Variants in DENND1B observed in about 807,000 individuals in gnomAD.
DENND1B encodes DENN domain-containing protein 1B.
DENND1B carries 59 observed loss-of-function variants against 90.1 expected under a neutral mutation model. That is an observed-to-expected ratio of 0.65 (90% CI 0.53 to 0.81). The LOEUF (loss-of-function observed/expected upper bound fraction) is 0.81, where lower values mean the gene tolerates loss of function less well. Ranked by LOEUF, DENND1B falls within the 40% of genes least tolerant of loss-of-function variation. The probability of loss-of-function intolerance (pLI) is 0.00; values close to 1 mark genes in which losing one functional copy is unlikely to be tolerated. For missense variants in DENND1B, 862 were observed against 912.6 expected (o/e 0.94, Z 0.71); for synonymous variants, 337 against 324.6 (o/e 1.04, Z -0.41).
chr1:197,668,099 A>G (rs1655124289), intron 5 of DENND1B, among the ~76,000 whole-genome samples: 2 of 152,198 alleles, frequency 1.3e-5, no homozygotes, highest in African/African-American at 4.8e-5. Context: ...ACATACACAT[A>G]TAACTTGTTC....
chr1:197,748,326 G>T (rs779278994), intron 2 of DENND1B, among the ~76,000 whole-genome samples: 1 of 152,110 alleles, frequency 6.6e-6, no homozygotes, highest in Non-Finnish European at 1.5e-5. Flanking sequence ...AAATGAAACA[G>T]ATATTAGAAT....
intron 15 of DENND1B, among the ~76,000 whole-genome samples, chr1:197,568,040 C>T (rs568752152): frequency 7.1e-6 from 1 of 140,988 alleles, no homozygotes; most frequent in Non-Finnish European, 1.5e-5. Context: ...GGAGGGAAGG[C>T]AGGCAGGGAG....
At chr1:197,622,929 C>T (rs572980467) in intron 10 of DENND1B, among the ~76,000 whole-genome samples, 17 of 151,022 alleles carry the variant, frequency 1.1e-4, no homozygotes, top group African/African-American at 3.9e-4. Context: ...ATCAGATTCC[C>T]ATGGACACAG....
rs201211667 is a variant in DENND1B at position 197,715,031 on chromosome 1, C to T, written c.126G>A (p.Gln42=). Residue 42 remains glutamine (Q), a splice_region_variant and synonymous_variant, in exon 3 of 23, where the codon CAG becomes CAA. Coordinates refer to ENST00000620048, the MANE Select transcript of DENND1B (RefSeq NM_001195215.2). ...LWKFPEDFGD[Q]EILQSVPKFC... Reference sequence around the variant, plus strand: ...TTTTAAAAAATTATGTGGTACCAACCTGGTCTCCAAAGTCCTCTGGGAATT... The same window carrying T: ...TTTTAAAAAATTATGTGGTACCAACTTGGTCTCCAAAGTCCTCTGGGAATT... 73 of 1,609,920 alleles carry T rather than the reference C, an allele frequency of 4.5e-5. No homozygotes were observed. The highest frequency in any genetic ancestry group is 5.8e-5 in the Non-Finnish European group (68 of 1,177,322).
At chr1:197,544,898 GAAGA>G (rs1288541579) in intron 18 of DENND1B, among the ~76,000 whole-genome samples, 1 of 146,712 alleles carries the variant, frequency 6.8e-6, no homozygotes, top group Non-Finnish European at 1.5e-5. Context: ...GGAAGAAGAA[GAAGA>G]AAGAAGAAGA....
At chr1:197,566,300 G>T (rs532741734) in intron 15 of DENND1B, among the ~76,000 whole-genome samples, 1 of 152,210 alleles carries the variant, frequency 6.6e-6, no homozygotes, top group East Asian at 1.9e-4. Flanking sequence ...TTTGAGAAGT[G>T]TCTGTTCATG....
chr1:197,616,210 A>C (rs1677633176), intron 11 of DENND1B, among the ~76,000 whole-genome samples: 1 of 150,946 alleles, frequency 6.6e-6, no homozygotes, highest in Non-Finnish European at 1.5e-5. Flanking sequence ...ATTTCCAAAT[A>C]CTGCTGTAAA....
chr1:197,536,100 G>A (rs1669859374), intron 20 of DENND1B, among the ~76,000 whole-genome samples: 1 of 149,276 alleles, frequency 6.7e-6, no homozygotes, highest in East Asian at 2.0e-4. Flanking sequence ...GGAAAAGAGG[G>A]AGAGAGACGG....
intron 20 of DENND1B, among the ~76,000 whole-genome samples, chr1:197,517,760 G>T (rs762355198): frequency 1.8e-4 from 28 of 151,848 alleles, no homozygotes; most frequent in Non-Finnish European, 3.4e-4. Context: ...GGCTATGGCA[G>T]CCTCTCTGGA....
chr1:197,587,247 C>A (rs141929970), intron 14 of DENND1B, among the ~76,000 whole-genome samples: 1 of 152,200 alleles, frequency 6.6e-6, no homozygotes, highest in African/African-American at 2.4e-5. Flanking sequence ...TTGTATTATT[C>A]ATTCACAGAA....
chr1:197,695,098 G>A (rs2102115380), intron 3 of DENND1B, among the ~76,000 whole-genome samples: 4 of 151,144 alleles, frequency 2.6e-5, no homozygotes, highest in Admixed American at 2.6e-4. Flanking sequence ...AAGCATGCAG[G>A]TAAAATAAGA....
intron 13 of DENND1B, among the ~76,000 whole-genome samples, chr1:197,600,719 A>G (rs539587316): frequency 1.8e-3 from 266 of 151,904 alleles, no homozygotes; most frequent in Non-Finnish European, 2.8e-3. Flanking sequence ...AGGATAATAA[A>G]CAAACAGTAT....
intron 2 of DENND1B, among the ~76,000 whole-genome samples, chr1:197,726,654 A>C (rs981523978): frequency 5.9e-5 from 9 of 152,208 alleles, no homozygotes; most frequent in Non-Finnish European, 1.0e-4. Flanking sequence ...TGAGGTAGAC[A>C]AGCAATTCCT....
chr1:197,524,242 T>A (rs193024304), intron 20 of DENND1B, among the ~76,000 whole-genome samples: 2 of 152,276 alleles, frequency 1.3e-5, no homozygotes, highest in Admixed American at 1.3e-4. Context: ...TTTTTTGGTA[T>A]GTTGTTGTTA....
intron 13 of DENND1B, among the ~76,000 whole-genome samples, chr1:197,604,081 C>T (rs1368950037): frequency 1.3e-5 from 2 of 151,136 alleles, no homozygotes; most frequent in African/African-American, 2.4e-5. Flanking sequence ...AAAATAAAGT[C>T]ACAATATATT....
intron 20 of DENND1B, among the ~76,000 whole-genome samples, chr1:197,530,927 T>G (rs1669568601): frequency 6.6e-6 from 1 of 152,188 alleles, no homozygotes; most frequent in African/African-American, 2.4e-5. Context: ...AAACTCCATA[T>G]CCTTATTTCT....
intron 11 of DENND1B, among the ~76,000 whole-genome samples, chr1:197,617,164 T>C (rs1677723927): frequency 6.6e-6 from 1 of 151,056 alleles, no homozygotes. Context: ...ACAAGAATTC[T>C]TGTATTAGAG....
intron 10 of DENND1B, among the ~76,000 whole-genome samples, chr1:197,627,296 C>T (rs879216221): frequency 1.3e-5 from 2 of 152,022 alleles, no homozygotes; most frequent in African/African-American, 2.4e-5. Context: ...ACTGGAAAAC[C>T]GAATCCAGCA....
chr1:197,635,926 A>G (rs564338084), intron 10 of DENND1B, among the ~76,000 whole-genome samples: 2 of 152,096 alleles, frequency 1.3e-5, no homozygotes, highest in East Asian at 3.9e-4. Context: ...ATACATATCA[A>G]CACTGTCCTA....
Sources: allele counts gnomAD v4.1 joint callset (sites outside exome capture counted in the v4.1 genomes callset), GRCh38; gene constraint gnomAD v4.1.1; transcripts MANE v1.5; gene names NCBI Gene and HGNC (gene_info 2026-07-23, HGNC 2026-07-21).